The following NUP58 variants were observed in gnomAD, a reference collection of about 807,000 sequenced individuals.
The protein encoded by NUP58 is nucleoporin 58.
A neutral mutation model predicts 70.1 loss-of-function variants in NUP58; 17 were observed. The ratio of observed to expected loss-of-function variants is 0.24; its 90% CI spans 0.17 to 0.36. NUP58 has a LOEUF of 0.36. NUP58 is among the 10% of genes least tolerant of loss of function. The probability of loss-of-function intolerance (pLI) is 1.00; values close to 1 mark genes in which losing one functional copy is unlikely to be tolerated. For missense variants in NUP58, 644 were observed against 701.5 expected, an observed-to-expected ratio of 0.92 and a Z score of 0.93; for synonymous variants, 275 against 257.6, an observed-to-expected ratio of 1.07 and a Z score of -0.65.
intron 1 of NUP58, among the ~76,000 whole-genome samples, chr13:25,305,690 C>T (rs573092037): frequency 6.6e-6 from 1 of 152,318 alleles, no homozygotes; most frequent in Non-Finnish European, 1.5e-5. Flanking sequence ...TCTGCAGTAT[C>T]TCTTTGCCAT....
intron 5 of NUP58, 151 bp from the exon 6 acceptor site, chr13:25,315,206 A>G: frequency 1.5e-6 from 1 of 665,712 alleles, no homozygotes; most frequent in Non-Finnish European, 2.7e-6. Context: ...TCTTTGGCCA[A>G]AACATCTCCA....
chr13:25,348,628 A>G (rs1457713933), intron 3 of NUP58, among the ~76,000 whole-genome samples: 3 of 152,236 alleles, frequency 2.0e-5, no homozygotes, highest in African/African-American at 4.8e-5. Context: ...CTGTTAGACT[A>G]TGCTGCTGTA....
At chr13:25,319,516 G>T (rs1406253984) in intron 7 of NUP58, among the ~76,000 whole-genome samples, 166 bp downstream of exon 7, 1 of 152,086 alleles carries the variant, frequency 6.6e-6, no homozygotes, top group Non-Finnish European at 1.5e-5. Flanking sequence ...GTTCTGGTAA[G>T]ATAATGAAAG....
At chr13:25,328,826 G>A (rs1593194600) in intron 12 of NUP58, among the ~76,000 whole-genome samples, 2 of 152,106 alleles carry the variant, frequency 1.3e-5, no homozygotes, top group Non-Finnish European at 1.5e-5. Flanking sequence ...AGTGTATGTG[G>A]TCCAAAATAC....
intron 1 of NUP58, among the ~76,000 whole-genome samples, chr13:25,302,490 A>G (rs748233933): frequency 3.3e-5 from 5 of 152,236 alleles, no homozygotes; most frequent in Non-Finnish European, 2.9e-5. Context: ...TTGTGTTGTA[A>G]TAACTCAATT....
At chr13:25,338,469 G>C (rs903225059) in intron 14 of NUP58, among the ~76,000 whole-genome samples, 167 bp from the exon 15 acceptor site, 7 of 152,086 alleles carry the variant, frequency 4.6e-5, no homozygotes, top group Non-Finnish European at 8.8e-5. Context: ...AATTAGTCTA[G>C]TTCTTCTAAA....
downstream of NUP58, among the ~76,000 whole-genome samples, chr13:25,346,809 G>C (rs1369714542): frequency 1.3e-5 from 2 of 151,772 alleles, no homozygotes; most frequent in Non-Finnish European, 2.9e-5. Flanking sequence ...GTGGCTTTGA[G>C]GAATAAATAT....
At chr13:25,327,664 C>G (rs1333459679) in intron 12 of NUP58, 152 bp downstream of exon 12, 2 of 524,324 alleles carry the variant, frequency 3.8e-6, no homozygotes, top group Non-Finnish European at 6.9e-6. Flanking sequence ...CATACCCAGA[C>G]ATAACGATTG....
In NUP58 at chr13:25,341,169, C is replaced by T. The variant is rs1361195426; in HGVS notation, c.*1035C>T. The T allele has an allele frequency of 1.3e-5, 2 of 152,216 alleles. No homozygotes were observed. Among genetic ancestry groups the T allele is most frequent in the Admixed American group, 1.3e-4 (2 of 15,272 alleles). The allele number at this position is 152,216 out of a possible 1,614,324, so 9.4% of individuals were successfully genotyped here. A position where few individuals can be genotyped will look rare whatever the true frequency, so the allele number is the denominator to read the frequency against. On this transcript the variant is annotated 3_prime_UTR_variant, in exon 16 of 16. Transcript: ENST00000381736. ...CTGATCTTTTCCATTTTTGTTTCCA[C>T]CTTAACCTATAGCAGCTCCTCCAAA...
intron 6 of NUP58, among the ~76,000 whole-genome samples, chr13:25,316,194 G>A (rs1162921864): frequency 2.0e-5 from 3 of 152,144 alleles, no homozygotes; most frequent in Admixed American, 6.6e-5. Context: ...TAACCAGTAT[G>A]AAAATACCTT....
Position 25,312,958 on chromosome 13 carries a change from C to G in NUP58, c.362C>G (p.Pro121Arg). The G allele has an allele frequency of 6.2e-7, 1 of 1,614,158 alleles. No individual in the cohort carries two copies. Residue 121 changes from proline to arginine, a missense_variant, in exon 4 of 16, where the codon CCA (proline) becomes CGA (arginine). By Grantham distance (103) the Pro-to-Arg change is moderately radical. This residue lies in a region of NUP58 where 430 missense variants were observed against 409.2 expected (regional missense o/e 1.05). Coordinates refer to ENST00000381736, the MANE Select transcript of NUP58 (RefSeq NM_014089.4). Reference protein sequence around the residue: ...GFNKPAASATPFALPITSTSA... With the variant: ...GFNKPAASATRFALPITSTSA... ...AATAAACCTGCAGCATCTGCCACAC[C>G]ATTTGCTCTACCTATTACCTCTACC...
chr13:25,319,272 AGTAT>A (rs2031076361), intron 6 of NUP58, 50 bp from the exon 7 acceptor site: 7 of 1,400,246 alleles, frequency 5.0e-6, no homozygotes, highest in Non-Finnish European at 7.1e-6. Context: ...TTGTATTTGG[AGTAT>A]GTTGTTCAAT....
At chr13:25,331,306 C>A in intron 12 of NUP58, 51 bp from the exon 13 acceptor site, 1 of 1,523,700 alleles carries the variant, frequency 6.6e-7, no homozygotes, top group Non-Finnish European at 9.1e-7. Flanking sequence ...CACATATTAA[C>A]CATAGTCAAT....
intron 5 of NUP58, 109 bp from the exon 6 acceptor site, chr13:25,315,248 T>TA (rs2030871931): frequency 1.3e-6 from 1 of 792,698 alleles, no homozygotes; most frequent in Non-Finnish European, 2.1e-6. Context: ...CTAAATCAAA[T>TA]ATGAAGAAAA....
intron 9 of NUP58, 81 bp downstream of exon 9, chr13:25,321,174 T>G: frequency 7.9e-7 from 1 of 1,269,622 alleles, no homozygotes; most frequent in Non-Finnish European, 1.1e-6. Flanking sequence ...TTTTGTTTTG[T>G]TTGTTTTTAA....
Position 25,329,938 on chromosome 13 carries a change from T to A in NUP58, c.1234-1419T>A, listed in dbSNP as rs970713397. ...CCTGGGCCCAAGCGATCCTCCCGCC[T>A]CAGGCTCAGCCTCTTGAGTAGCTAG... On this transcript the variant is annotated intron_variant, in intron 12 of 15. Coordinates refer to ENST00000381736, the MANE Select transcript of NUP58 (RefSeq NM_014089.4). Among the ~76,000 whole-genome samples the A allele has an allele frequency of 3.9e-5, 6 of 152,158 alleles. No homozygotes were observed. In the South Asian group the frequency reaches 1.2e-3, roughly 32 times the overall value.
In NUP58 at chr13:25,307,840, G is replaced by A. The variant is rs773797623; in HGVS notation, c.142G>A (p.Gly48Arg). 2.2e-5 allele frequency: 35 copies of A among 1,613,930 alleles called. No individual in the cohort carries two copies. Among genetic ancestry groups the A allele is most frequent in the Non-Finnish European group, 2.9e-5 (34 of 1,180,004 alleles). Residue 48 changes from glycine (G) to arginine (R), a missense_variant, in exon 2 of 16, where the codon GGA (glycine) becomes AGA (arginine). By Grantham distance (125) the Gly-to-Arg change is moderately radical. Coordinates refer to ENST00000381736, the MANE Select transcript of NUP58 (RefSeq NM_014089.4). The stretch of plus-strand genomic sequence containing the variant: ...TGTGGGGCTCAATTTTGGAAATCTT[G>A]GAAGTACTTCAACTCCAGCAACTAC... ...PSVGLNFGNL[G>R]STSTPATTSA...
Position 25,331,471 on chromosome 13 carries a change from A to G in NUP58, c.1348A>G (p.Thr450Ala), listed in dbSNP as rs1434022033. 17 of 1,614,196 alleles carry G rather than the reference A, an allele frequency of 1.1e-5. No individual in the cohort carries two copies. Among genetic ancestry groups the G allele is most frequent in the Admixed American group, 1.7e-5 (1 of 60,022 alleles). The change falls in exon 13 of 16, where the codon ACT becomes GCT. Residue 450 changes from threonine to alanine, a missense_variant. Physicochemically the swap from Thr to Ala is moderately conservative, Grantham distance 58. Around this residue, in one of 4 missense-constraint regions of NUP58, gnomAD observed 132 missense variants for 203.9 expected, o/e 0.65. Coordinates refer to ENST00000381736, the MANE Select transcript of NUP58 (RefSeq NM_014089.4). ...KKWQNTPRVT[T>A]GPTPFSTMPN... ...GTGGCAGAACACACCCAGAGTTACT[A>G]CTGGACCCACTCCTTTCAGCACCAT...
rs906863219 is a variant in NUP58 at position 25,315,372 on chromosome 13, C to G, written c.590C>G (p.Ala197Gly). Residue 197 changes from alanine to glycine, a missense_variant, in exon 6 of 16, where the codon GCT becomes GGT. Physicochemically the swap from Ala to Gly is moderately conservative, Grantham distance 60 (BLOSUM62 0). Around this residue, in one of 4 missense-constraint regions of NUP58, gnomAD observed 430 missense variants for 409.2 expected, o/e 1.05. Coordinates refer to ENST00000381736, the MANE Select transcript of NUP58 (RefSeq NM_014089.4). ...NTGTSGLGQN[A>G]LGLTLGTTAA... ...TTATTTATAGGACTTGGACAGAATG[C>G]TTTAGGGTTGACTTTGGGAACTACA... 1.2e-6 allele frequency: 2 copies of G among 1,613,250 alleles called. No individual in the cohort carries two copies. Among genetic ancestry groups the G allele is most frequent in the African/African-American group, 1.3e-5 (1 of 74,988 alleles).
Sources: gnomAD v4.1 joint callset for allele counts (sites outside exome capture counted in the v4.1 genomes callset) on GRCh38, gnomAD v4.1.1 for gene constraint, gnomAD v4.1.1 regional missense constraint, MANE v1.5 for transcripts, NCBI Gene and HGNC (gene_info 2026-07-23, HGNC 2026-07-21) for gene names.